PDE3A: variants seen among roughly 807,000 people sequenced by gnomAD.
PDE3A encodes cGMP-inhibited 3',5'-cyclic phosphodiesterase 3A.
Under a neutral mutation model 98.3 loss-of-function variants are expected in PDE3A, and 43 were observed. That is an observed-to-expected ratio of 0.44 (90% CI 0.34 to 0.56). The LOEUF (loss-of-function observed/expected upper bound fraction) is 0.56. Ranked by LOEUF, PDE3A falls within the 20% of genes least tolerant of loss-of-function variation. The pLI, the probability that PDE3A is intolerant of heterozygous loss-of-function variation, is 0.01. For missense variants in PDE3A, 1,427 were observed against 1,440.7 expected (o/e 0.99, Z 0.15); for synonymous variants, 663 against 567.9 (o/e 1.17, Z -2.38).
intron 2 of PDE3A, among the ~76,000 whole-genome samples, chr12:20,584,990 C>A (rs1304917572): frequency 6.6e-6 from 1 of 152,134 alleles, no homozygotes; most frequent in African/African-American, 2.4e-5. Flanking sequence ...ATAGAAAATA[C>A]GTTAGAACTT....
intron 2 of PDE3A, among the ~76,000 whole-genome samples, chr12:20,563,592 T>C (rs1942584091): frequency 6.6e-6 from 1 of 152,228 alleles, no homozygotes; most frequent in Admixed American, 6.5e-5. Context: ...CAACTATCAA[T>C]ATTCGTTCAG....
Position 20,570,979 on chromosome 12 carries a change from A to G in PDE3A, c.1011+14269A>G, listed in dbSNP as rs550941998. ...TCTGATGGACAGTGTTTTAGATGAA[A>G]CTAGAAAAGTCTTCCTTTTAAGAAG... On this transcript the variant is annotated intron_variant, in intron 2 of 15. Coordinates refer to ENST00000359062, the MANE Select transcript of PDE3A (RefSeq NM_000921.5). Among the ~76,000 whole-genome samples, 13 of 152,238 alleles carry G rather than the reference A, an allele frequency of 8.5e-5. No individual in the cohort carries two copies. The East Asian group carries it at 2.3e-3, about 27-fold the overall frequency.
At chr12:20,523,161 C>T (rs1379263018) in intron 1 of PDE3A, among the ~76,000 whole-genome samples, 1 of 152,092 alleles carries the variant, frequency 6.6e-6, no homozygotes, top group African/African-American at 2.4e-5. Flanking sequence ...GTTGAAATGG[C>T]AGCATCCTAG....
At chr12:20,386,048 A>ATATAAATATATATAAAATATATT (rs1943763634) in intron 1 of PDE3A, among the ~76,000 whole-genome samples, 1 of 39,590 alleles carries the variant, frequency 2.5e-5, no homozygotes, top group Non-Finnish European at 5.6e-5. Context: ...TAAAATATAT[A>ATATAAATATATATAAAATATATT]TAAATATATA....
rs138839976 is a variant in PDE3A at position 20,448,775 on chromosome 12, A to C, written c.960+78531A>C. Reference sequence around the variant, plus strand: ...AGGTTTTTTTTTTTTTTTGAGATGGAGTCTTGCTTTATTGCCCTGGCTGGT... The same window carrying C: ...AGGTTTTTTTTTTTTTTTGAGATGGCGTCTTGCTTTATTGCCCTGGCTGGT... On this transcript the variant is annotated intron_variant, in intron 1 of 15. Coordinates refer to ENST00000359062, the MANE Select transcript of PDE3A (RefSeq NM_000921.5). Among the ~76,000 whole-genome samples the C allele has an allele frequency of 9.2e-3, 773 of 83,954 alleles. 5 individuals carry two copies. The highest frequency in any genetic ancestry group is 0.024 in the African/African-American group (735 of 30,004). 55.1% of individuals were successfully genotyped at this position (83,954 alleles called of 152,430 possible).
intron 1 of PDE3A, among the ~76,000 whole-genome samples, chr12:20,538,177 A>C (rs1941799472): frequency 6.6e-6 from 1 of 152,094 alleles, no homozygotes; most frequent in African/African-American, 2.4e-5. Context: ...TTCCATGAAA[A>C]ATCGCACTCT....
intron 1 of PDE3A, among the ~76,000 whole-genome samples, chr12:20,432,352 T>C (rs770404939): frequency 7.2e-5 from 11 of 152,170 alleles, no homozygotes; most frequent in Non-Finnish European, 1.5e-4. Flanking sequence ...GTTTTGGTTA[T>C]GCAAGATGAG....
At chr12:20,501,198 G>A (rs889351809) in intron 1 of PDE3A, among the ~76,000 whole-genome samples, 24 of 152,148 alleles carry the variant, frequency 1.6e-4, no homozygotes, top group African/African-American at 5.6e-4. Flanking sequence ...TCAATTCTGT[G>A]AACAAGGAGT....
At chr12:20,413,995 G>A (rs1010337624) in intron 1 of PDE3A, among the ~76,000 whole-genome samples, 3 of 152,076 alleles carry the variant, frequency 2.0e-5, no homozygotes, top group Admixed American at 1.3e-4. Flanking sequence ...TAGCTTTCAG[G>A]TTTATACCTT....
intron 5 of PDE3A, among the ~76,000 whole-genome samples, chr12:20,626,087 G>A (rs926111884): frequency 6.6e-5 from 10 of 152,034 alleles, no homozygotes; most frequent in Admixed American, 3.3e-4. Context: ...AGGTTTTAAC[G>A]GTCATCCCTC....
In PDE3A at chr12:20,380,495, T is replaced by C. The variant is rs532851396; in HGVS notation, c.960+10251T>C. Among the ~76,000 whole-genome samples, 255 of 152,008 alleles carry C rather than the reference T, an allele frequency of 1.7e-3. 1 individual carries two copies. Among genetic ancestry groups the C allele is most frequent in the Non-Finnish European group, 2.3e-3 (157 of 67,848 alleles). On this transcript the variant is annotated intron_variant, in intron 1 of 15. Coordinates refer to ENST00000359062, the MANE Select transcript of PDE3A (RefSeq NM_000921.5). ...TGAAAATCAAAAAATTTAAGTCAAA[T>C]AAGAATGTTTTGTTGTTGCAGTTTT...
At chr12:20,663,020 T>C (rs2120356333) in intron 15 of PDE3A, among the ~76,000 whole-genome samples, 1 of 152,282 alleles carries the variant, frequency 6.6e-6, no homozygotes, top group African/African-American at 2.4e-5. Context: ...CTTGGTGCCG[T>C]GAGTCCCAGC....
At chr12:20,378,592 T>A (rs1943612374) in intron 1 of PDE3A, among the ~76,000 whole-genome samples, 1 of 151,706 alleles carries the variant, frequency 6.6e-6, no homozygotes. Flanking sequence ...AGAATCATGG[T>A]ATACAAAGAA....
chr12:20,507,363 G>A (rs1198508192), intron 1 of PDE3A, among the ~76,000 whole-genome samples: 1 of 152,024 alleles, frequency 6.6e-6, no homozygotes, highest in Non-Finnish European at 1.5e-5. Flanking sequence ...TTATAAGGAA[G>A]TTATGAGAAG....
intron 4 of PDE3A, among the ~76,000 whole-genome samples, chr12:20,620,743 G>A (rs529962311): frequency 6.6e-6 from 1 of 151,716 alleles, no homozygotes; most frequent in Admixed American, 6.6e-5. Flanking sequence ...TCCATTGTTG[G>A]CATGTCCCTT....
At chr12:20,530,065 C>G (rs913981250) in intron 1 of PDE3A, among the ~76,000 whole-genome samples, 1 of 152,164 alleles carries the variant, frequency 6.6e-6, no homozygotes, top group Non-Finnish European at 1.5e-5. Context: ...ATAACACAAT[C>G]TTGAAGTCTG....
intron 2 of PDE3A, among the ~76,000 whole-genome samples, chr12:20,606,945 A>AT (rs1943724841): frequency 6.6e-6 from 1 of 151,526 alleles, no homozygotes; most frequent in Non-Finnish European, 1.5e-5. Flanking sequence ...TACTTGTTGT[A>AT]TTTTAAACTT....
chr12:20,538,916 G>A (rs1941822669), intron 1 of PDE3A, among the ~76,000 whole-genome samples: 1 of 151,472 alleles, frequency 6.6e-6, no homozygotes, highest in Non-Finnish European at 1.5e-5. Context: ...AAAATGTTGA[G>A]ATTACAAGTG....
At chr12:20,661,424 T>C (rs1469622986) in intron 15 of PDE3A, among the ~76,000 whole-genome samples, 1 of 152,218 alleles carries the variant, frequency 6.6e-6, no homozygotes, top group African/African-American at 2.4e-5. Context: ...GAGCCAACTG[T>C]TAATCCCCAA....
Sources: gnomAD v4.1 joint callset for allele counts (sites outside exome capture counted in the v4.1 genomes callset) on GRCh38, gnomAD v4.1.1 for gene constraint, MANE v1.5 for transcripts, NCBI Gene and HGNC (gene_info 2026-07-23, HGNC 2026-07-21) for gene names.